MYADM: variants seen among roughly 807,000 people sequenced by gnomAD.
MYADM encodes myeloid-associated differentiation marker.
For missense variants in MYADM, 416 were observed against 443.4 expected (o/e 0.94, Z 0.56); for synonymous variants, 224 against 210.2 (o/e 1.07, Z -0.57).
In MYADM at chr19:53,874,518, C is replaced by T. The variant is rs1173391513; in HGVS notation, c.*20C>T. The T allele has an allele frequency of 5.1e-6, 8 of 1,559,258 alleles. No individual in the cohort carries two copies. Among genetic ancestry groups the T allele is most frequent in the South Asian group, 2.4e-5 (2 of 84,174 alleles). ...GTCTAAGACTCTCCCAAGAGGCTCC[C>T]GTTCCCTCTCCAACCTCTTTGTTCT... On this transcript the variant is annotated 3_prime_UTR_variant, in exon 3 of 3. Coordinates refer to ENST00000391770, the MANE Select transcript of MYADM (RefSeq NM_138373.5).
upstream of MYADM, chr19:53,865,872 C>CTA (rs1033043613): frequency 3.3e-5 from 5 of 152,210 alleles, no homozygotes; most frequent in Admixed American, 2.6e-4. Context: ...TGAATAGAAC[C>CTA]TAGAGGCGTC....
In MYADM at chr19:53,874,364, T is replaced by TGCAGCC. The variant is rs2068475304; in HGVS notation, c.842_847dup (p.Arg281_Ser282dup). The TGCAGCC allele has an allele frequency of 6.2e-7, 1 of 1,614,138 alleles. No homozygotes were observed. Among genetic ancestry groups the TGCAGCC allele is most frequent in the South Asian group, 1.1e-5 (1 of 91,078 alleles). On this transcript the variant is annotated inframe_insertion, in exon 3 of 3. Transcript: ENST00000391770. ...GCCTCGGCGCTCGAGAGATGTAAGC[T>TGCAGCC]GCAGCCGCAGCCATGCCTACTACGT...
In MYADM at chr19:53,873,688, G is replaced by A. The variant is rs777262125; in HGVS notation, c.159G>A (p.Leu53=). The change falls in exon 3 of 3, where the codon CTG becomes CTA. Residue 53 remains leucine (L), a synonymous_variant. Coordinates refer to ENST00000391770, the MANE Select transcript of MYADM (RefSeq NM_138373.5). The surrounding 1 kb of genome is among the most constrained non-coding windows in gnomAD (Gnocchi z 4.3). ...QLVSTCVAFS[L]VASVGAWTGS... ...TGTCTACCTGCGTGGCCTTCTCGCT[G>A]GTGGCTAGCGTGGGCGCCTGGACGG... 3.1e-6 allele frequency: 5 copies of A among 1,613,994 alleles called. No individual in the cohort carries two copies. Among genetic ancestry groups the A allele is most frequent in the South Asian group, 1.1e-5 (1 of 91,084 alleles).
rs1272265323 is a variant in MYADM, at chr19:53,868,643, G to C, written c.-88+700G>C. On this transcript the variant is annotated intron_variant, in intron 1 of 2. Transcript: ENST00000391770. The surrounding 1 kb of genome is among the most constrained non-coding windows in gnomAD (Gnocchi z 6.3). ...TGCCGAGAGCCGAAGCTGGGGTTCC[G>C]GGGCCCGATTCTCAGCGTGAGCGAT... Among the ~76,000 whole-genome samples the C allele has an allele frequency of 6.6e-6, 1 of 152,116 alleles. No homozygotes were observed. Among genetic ancestry groups the C allele is most frequent in the South Asian group, 2.1e-4 (1 of 4,832 alleles).
At chr19:53,872,253 G>A (rs899090657) in intron 2 of MYADM, among the ~76,000 whole-genome samples, 1 of 149,290 alleles carries the variant, frequency 6.7e-6, no homozygotes, top group Non-Finnish European at 1.5e-5. Flanking sequence ...TGGAGTGCAG[G>A]GGTTCTATCT....
chr19:53,873,100 G>A lies in MYADM; in HGVS notation c.-2-428G>A, dbSNP rs1054104297. Reference sequence around the variant, plus strand: ...CATTTGAAAACCCAAGGCTGGGCCCGGTGGCTCACGCCTATAATCCCAGCA... The same window carrying A: ...CATTTGAAAACCCAAGGCTGGGCCCAGTGGCTCACGCCTATAATCCCAGCA... On this transcript the variant is annotated intron_variant, in intron 2 of 2. Coordinates refer to ENST00000391770, the MANE Select transcript of MYADM (RefSeq NM_138373.5). The surrounding 1 kb of genome is among the most constrained non-coding windows in gnomAD (Gnocchi z 4.3). 1.2e-4 allele frequency among the ~76,000 whole-genome samples: 18 copies of A among 152,232 alleles called. No homozygotes were observed. Among genetic ancestry groups the A allele is most frequent in the Non-Finnish European group, 2.4e-4 (16 of 68,006 alleles).
rs1272273573 is a variant in MYADM at position 53,875,430 on chromosome 19, T to G, written c.*932T>G. Reference sequence around the variant, plus strand: ...CCTGGCACTCAGCCTTGCCAGAGATTGGCTCCAGAATTTTTGCCAGGCTTA... The same window carrying G: ...CCTGGCACTCAGCCTTGCCAGAGATGGGCTCCAGAATTTTTGCCAGGCTTA... On this transcript the variant is annotated 3_prime_UTR_variant, in exon 3 of 3. Coordinates refer to ENST00000391770, the MANE Select transcript of MYADM (RefSeq NM_138373.5). The G allele has an allele frequency of 6.0e-6, 1 of 166,590 alleles. No individual in the cohort carries two copies. The highest frequency in any genetic ancestry group is 1.5e-5 in the Non-Finnish European group (1 of 68,056). 10.3% of individuals were successfully genotyped at this position (166,590 alleles called of 1,614,324 possible). A position where few individuals can be genotyped will look rare whatever the true frequency, so the allele number is the denominator to read the frequency against.
At chr19:53,866,011 CAA>C (rs1215625985), upstream of MYADM, 1 of 152,330 alleles carries the variant, frequency 6.6e-6, no homozygotes, top group Non-Finnish European at 1.5e-5. The surrounding 1 kb of genome is among the most constrained non-coding windows in gnomAD (Gnocchi z 4.3). Context: ...CCCAGAGTGA[CAA>C]AGAGGGTCTG....
intron 2 of MYADM, among the ~76,000 whole-genome samples, chr19:53,871,211 A>C (rs1227898592): frequency 2.0e-5 from 3 of 152,176 alleles, no homozygotes; most frequent in Non-Finnish European, 4.4e-5. Flanking sequence ...AGCCTGGGTG[A>C]CAGAGCGACT....
chr19:53,874,379 G>A lies in MYADM; in HGVS notation c.850G>A (p.Ala284Thr). The A allele has an allele frequency of 6.2e-7, 1 of 1,614,208 alleles. No homozygotes were observed. The highest frequency in any genetic ancestry group is 8.5e-7 in the Non-Finnish European group (1 of 1,180,016). ...AGATGTAAGCTGCAGCCGCAGCCATGCCTACTACGTGTGTGCCTGGGACCG... is the reference window on the plus strand; with the variant it reads ...AGATGTAAGCTGCAGCCGCAGCCATACCTACTACGTGTGTGCCTGGGACCG... ...SRDVSCSRSH[A>T]YYVCAWDRRL... is the part of the protein sequence containing the mutation. Residue 284 changes from alanine (A) to threonine (T), a missense_variant, in exon 3 of 3, where the codon GCC becomes ACC. Transcript: ENST00000391770.
chr19:53,870,788 G>A lies in MYADM; in HGVS notation c.-3+950G>A, dbSNP rs74572207. 3.4e-3 allele frequency among the ~76,000 whole-genome samples: 520 copies of A among 152,252 alleles called. 3 individuals carry two copies. Among genetic ancestry groups the A allele is most frequent in the Middle Eastern group, 6.8e-3 (2 of 294 alleles). On this transcript the variant is annotated intron_variant, in intron 2 of 2. Transcript: ENST00000391770. ...CTGGGCACCTGGTTTCTAAGAGGAC[G>A]GGCACTTGATTCCTGGGGGCCATTA...
chr19:53,874,582 C>T lies in MYADM; in HGVS notation c.*84C>T, dbSNP rs1430567702. ...TTCTTTATGGAGTACTTCTTTCCTCCGCCTTTCCTCTGTTTTCCTCTTCCT... is the reference window on the plus strand; with the variant it reads ...TTCTTTATGGAGTACTTCTTTCCTCTGCCTTTCCTCTGTTTTCCTCTTCCT... On this transcript the variant is annotated 3_prime_UTR_variant, in exon 3 of 3. Coordinates refer to ENST00000391770, the MANE Select transcript of MYADM (RefSeq NM_138373.5). The T allele has an allele frequency of 4.9e-5, 71 of 1,449,662 alleles. No individual in the cohort carries two copies. Among genetic ancestry groups the T allele is most frequent in the Non-Finnish European group, 6.3e-5 (68 of 1,087,400 alleles). 89.8% of individuals were successfully genotyped at this position (1,449,662 alleles called of 1,614,324 possible). A position where few individuals can be genotyped will look rare whatever the true frequency, so the allele number is the denominator to read the frequency against.
At position 53,875,604 on chromosome 19, in the gene MYADM, C is replaced by T. The variant is rs2068517946; in HGVS notation, c.*1106C>T. The T allele has an allele frequency of 6.2e-6, 1 of 161,756 alleles. No homozygotes were observed. 10.0% of individuals were successfully genotyped at this position (161,756 alleles called of 1,614,324 possible). On this transcript the variant is annotated 3_prime_UTR_variant, in exon 3 of 3. Transcript: ENST00000391770. ...GTGGCTCACGCCTGTAATCCCAGCACTTTGGGAGACCAAGTCAGGCAATCA... is the reference window on the plus strand; with the variant it reads ...GTGGCTCACGCCTGTAATCCCAGCATTTTGGGAGACCAAGTCAGGCAATCA...
At position 53,875,541 on chromosome 19, in the gene MYADM, GAAA is replaced by G. The variant is rs756954605; in HGVS notation, c.*1056_*1058del. 27 of 126,558 alleles carry G rather than the reference GAAA, an allele frequency of 2.1e-4. No individual in the cohort carries two copies. The highest frequency in any genetic ancestry group is 1.9e-5 in the Non-Finnish European group (1 of 53,728). The allele number at this position is 126,558 out of a possible 1,614,324, so 7.8% of individuals were successfully genotyped here. ...CAACTATTCTCTGTGGTATCAAAAA[GAAA>G]AAAAAAAAAAAAGAAGGAGTCGGGG... is the stretch of plus-strand genomic sequence containing the variant. On this transcript the variant is annotated 3_prime_UTR_variant, in exon 3 of 3. Transcript: ENST00000391770.
chr19:53,871,811 A>T (rs1333686467), intron 2 of MYADM, among the ~76,000 whole-genome samples: 1 of 152,146 alleles, frequency 6.6e-6, no homozygotes, highest in Admixed American at 6.5e-5. Context: ...GAGCCTGTGG[A>T]AGACAAGCGT....
upstream of MYADM, among the ~76,000 whole-genome samples, chr19:53,867,217 T>C (rs561348191): frequency 6.6e-6 from 1 of 152,228 alleles, no homozygotes; most frequent in African/African-American, 2.4e-5. Flanking sequence ...CTAGCCTCTG[T>C]TTCTTGGGGA....
chr19:53,871,532 C>T (rs577563798), intron 2 of MYADM, among the ~76,000 whole-genome samples: 28 of 152,154 alleles, frequency 1.8e-4, no homozygotes, highest in African/African-American at 5.5e-4. Context: ...AGGAGGAGGC[C>T]GCTAAGAGTT....
rs1419550359 is a variant in MYADM, at chr19:53,875,347, T to C, written c.*849T>C. ...ACATATATATATATATATTTGGAGG[T>C]CAGTAATTTCCAATGGGCGGGAGGC... is the stretch of plus-strand genomic sequence containing the variant. On this transcript the variant is annotated 3_prime_UTR_variant, in exon 3 of 3. Transcript: ENST00000391770. 1 of 165,112 alleles carries C rather than the reference T, an allele frequency of 6.1e-6. No homozygotes were observed. Among genetic ancestry groups the C allele is most frequent in the African/African-American group, 2.5e-5 (1 of 40,800 alleles). The allele number at this position is 165,112 out of a possible 1,614,324, so 10.2% of individuals were successfully genotyped here.
upstream of MYADM, among the ~76,000 whole-genome samples, chr19:53,867,726 C>T (rs868603867): frequency 1.3e-4 from 20 of 152,170 alleles, no homozygotes; most frequent in African/African-American, 4.1e-4. Context: ...CTCTGGGGGG[C>T]GTGGTCTGCT....
Sources: gnomAD v4.1 joint callset for allele counts (sites outside exome capture counted in the v4.1 genomes callset) on GRCh38, gnomAD v4.1.1 for gene constraint, Gnocchi (gnomAD v3.1) non-coding constraint, MANE v1.5 for transcripts, NCBI Gene and HGNC (gene_info 2026-07-23, HGNC 2026-07-21) for gene names.